The following SUPT16H variants were observed in gnomAD, a reference collection of about 807,000 sequenced individuals.
SUPT16H encodes the protein SPT16 homolog, facilitates chromatin remodeling subunit, also known as FACT complex subunit SPT16.
A neutral mutation model predicts 136.2 loss-of-function variants in SUPT16H; 24 were observed. The observed-to-expected ratio is 0.18, with a 90% CI of 0.13 to 0.25. SUPT16H has a LOEUF of 0.25. Among genes scored for constraint, SUPT16H ranks in the 10% least tolerant of loss-of-function variants. The pLI is 1.00. For synonymous variants in SUPT16H, 415 were observed against 428.2 expected, an observed-to-expected ratio of 0.97 and a Z score of 0.38; for missense variants, 623 against 1,270.2, an observed-to-expected ratio of 0.49 and a Z score of 7.74.
At chr14:21,366,037 G>T (rs1045644259) in intron 8 of SUPT16H, among the ~76,000 whole-genome samples, 1 of 152,186 alleles carries the variant, frequency 6.6e-6, no homozygotes, top group Non-Finnish European at 1.5e-5. Context: ...AGAAGGTCTA[G>T]ACTGCAGTGA....
chr14:21,369,968 G>C (rs925089544), intron 4 of SUPT16H, 72 bp from the exon 5 acceptor site: 4 of 1,531,060 alleles, frequency 2.6e-6, no homozygotes, highest in Non-Finnish European at 3.6e-6. Context: ...TCTCCAATTT[G>C]AATATTACCA....
Position 21,355,108 on chromosome 14 carries a change from CCT to C in SUPT16H, c.2661-570_2661-569del, listed in dbSNP as rs144500316. Among the ~76,000 whole-genome samples the C allele has an allele frequency of 8.6e-3, 1,308 of 152,274 alleles. 24 individuals are homozygous for C. Among genetic ancestry groups the C allele is most frequent in the African/African-American group, 0.028 (1,162 of 41,552 alleles). On this transcript the variant is annotated intron_variant, in intron 22 of 25. Transcript: ENST00000216297. Reference sequence around the variant, plus strand: ...TCTCTCCTATTCACCCATGCTTTTCCCTCTCTGTCACTGATTCCATTCTTATT... The same window carrying C: ...TCTCTCCTATTCACCCATGCTTTTCCCTCTGTCACTGATTCCATTCTTATT...
At chr14:21,372,125 T>A (rs375080405) in intron 2 of SUPT16H, 81 bp from the exon 3 acceptor site, 1 of 1,419,320 alleles carries the variant, frequency 7.0e-7, no homozygotes, top group East Asian at 2.4e-5. Context: ...GAAATACTTA[T>A]AGACAAAAAT....
intron 4 of SUPT16H, among the ~76,000 whole-genome samples, chr14:21,370,130 A>G (rs1886754482): frequency 6.6e-6 from 1 of 152,174 alleles, no homozygotes; most frequent in African/African-American, 2.4e-5. Context: ...TAAAATGTAA[A>G]CTGCCCTCTA....
Position 21,360,571 on chromosome 14 carries a change from T to C in SUPT16H, c.2057-38A>G, listed in dbSNP as rs544694332. 1.2e-5 allele frequency: 18 copies of C among 1,562,364 alleles called. 2 individuals are homozygous for C. In the African/African-American group the frequency reaches 1.2e-4, roughly 11 times the overall value. On this transcript the variant is annotated intron_variant, in intron 17 of 25. Coordinates refer to ENST00000216297, the MANE Select transcript of SUPT16H (RefSeq NM_007192.4). ...ATGAAGAAATGTCAAGCAGTATAAT[T>C]AAGTTAGGCCAAAAGGCACTGCAAC...
chr14:21,362,476 C>T (rs1983768), intron 14 of SUPT16H, 152 bp from the exon 15 acceptor site: 705,736 of 802,084 alleles, frequency 0.88, 313,293 homozygotes, highest in Non-Finnish European at 0.91. Context: ...TTTTTAATAA[C>T]GAAGTATCCT....
In SUPT16H at chr14:21,363,248, A is replaced by G; in HGVS notation, c.1380T>C (p.Leu460=). Residue 460 remains leucine (L), a synonymous_variant, in exon 12 of 26, where the codon CTT becomes CTC. Transcript: ENST00000216297. Reference sequence around the variant, plus strand: ...GTAAACTTACTCTTGTTCTTTCTGTAAGTAATGCTGCCCGAGAACCTCTTC... The same window carrying G: ...GTAAACTTACTCTTGTTCTTTCTGTGAGTAATGCTGCCCGAGAACCTCTTC... ...LLGRGSRAAL[L]TERTRNEMTA... is the part of the protein sequence containing the mutation. The G allele has an allele frequency of 6.2e-7, 1 of 1,614,166 alleles. No homozygotes were observed. Among genetic ancestry groups the G allele is most frequent in the Non-Finnish European group, 8.5e-7 (1 of 1,180,030 alleles).
chr14:21,372,274 T>A, intron 2 of SUPT16H: 2 of 475,840 alleles, frequency 4.2e-6, no homozygotes, highest in South Asian at 5.9e-5. Flanking sequence ...TACGTTTATA[T>A]GCTTGAACTT....
chr14:21,354,901 A>G (rs1302339322), intron 22 of SUPT16H: 1 of 184,504 alleles, frequency 5.4e-6, no homozygotes, highest in East Asian at 1.6e-4. Context: ...CTGGGAGCAG[A>G]TATTCTTTGC....
intron 15 of SUPT16H, 108 bp downstream of exon 15, chr14:21,362,089 G>A (rs1386324233): frequency 1.0e-5 from 14 of 1,351,262 alleles, no homozygotes; most frequent in Non-Finnish European, 1.2e-5. Flanking sequence ...AATGAGGAAG[G>A]CTTTGACATT....
At chr14:21,371,714 C>A (rs941179731) in intron 3 of SUPT16H, among the ~76,000 whole-genome samples, 160 bp downstream of exon 3, 1 of 152,214 alleles carries the variant, frequency 6.6e-6, no homozygotes, top group African/African-American at 2.4e-5. Flanking sequence ...TTATTGAATT[C>A]TTTTCCTCCT....
At chr14:21,382,453 G>A (rs2139422591) in intron 1 of SUPT16H, among the ~76,000 whole-genome samples, 1 of 152,338 alleles carries the variant, frequency 6.6e-6, no homozygotes, top group South Asian at 2.1e-4. Flanking sequence ...TCATGTAGAG[G>A]AAGTGAGAGC....
intron 1 of SUPT16H, chr14:21,383,356 G>GT (rs1566399839): frequency 2.1e-6 from 1 of 476,378 alleles, no homozygotes; most frequent in Non-Finnish European, 3.7e-6. Flanking sequence ...CGCGTGAGCA[G>GT]TATTTCTTTT....
chr14:21,376,693 TAC>T (rs1412308720), intron 1 of SUPT16H, among the ~76,000 whole-genome samples: 1 of 152,098 alleles, frequency 6.6e-6, no homozygotes, highest in African/African-American at 2.4e-5. Context: ...TCTCCATTAC[TAC>T]ACACTCAGGA....
chr14:21,357,793 TA>T, intron 21 of SUPT16H, 133 bp downstream of exon 21: 1 of 919,626 alleles, frequency 1.1e-6, no homozygotes, highest in Non-Finnish European at 1.6e-6. Context: ...ACTTTAAAAG[TA>T]ACATTTGTTC....
intron 7 of SUPT16H, among the ~76,000 whole-genome samples, chr14:21,367,951 C>T (rs372539006): frequency 1.3e-5 from 2 of 152,298 alleles, no homozygotes; most frequent in African/African-American, 2.4e-5. Flanking sequence ...AGTGCAGTGG[C>T]GCAATCATAG....
At chr14:21,364,414 T>C (rs1832905995) in intron 10 of SUPT16H, among the ~76,000 whole-genome samples, 2 of 152,306 alleles carry the variant, frequency 1.3e-5, no homozygotes, top group Non-Finnish European at 2.9e-5. Flanking sequence ...GGTTCTTTCC[T>C]GAGGTGATGA....
chr14:21,355,014 CCTGAGT>C (rs1375333485), intron 22 of SUPT16H: 1 of 153,218 alleles, frequency 6.5e-6, no homozygotes, highest in Non-Finnish European at 1.5e-5. Context: ...TTCTCCTTCA[CCTGAGT>C]CTGAGCTCAT....
chr14:21,371,163 T>A (rs183138108), intron 3 of SUPT16H, among the ~76,000 whole-genome samples: 1 of 152,148 alleles, frequency 6.6e-6, no homozygotes, highest in Non-Finnish European at 1.5e-5. Flanking sequence ...TGAGCCACCA[T>A]GCCTGGCCTA....
Sources: gnomAD v4.1 joint callset for allele counts (sites outside exome capture counted in the v4.1 genomes callset) on GRCh38, gnomAD v4.1.1 for gene constraint, MANE v1.5 for transcripts, NCBI Gene and HGNC (gene_info 2026-07-23, HGNC 2026-07-21) for gene names.